TSPEAR: variants seen among roughly 807,000 people sequenced by gnomAD.
TSPEAR encodes thrombospondin-type laminin G domain and EAR repeat-containing protein.
Under a neutral mutation model 71.6 loss-of-function variants are expected in TSPEAR, and 69 were observed. The ratio of observed to expected loss-of-function variants is 0.96; its 90% confidence interval spans 0.79 to 1.18. The LOEUF (loss-of-function observed/expected upper bound fraction) is 1.18, where lower values mean the gene tolerates loss of function less well. TSPEAR is among the 50% of genes most tolerant of loss of function. TSPEAR has a pLI of 0.00. For missense variants in TSPEAR, 971 were observed against 894.9 expected (o/e 1.09, Z -1.09); for synonymous variants, 402 against 387.2 (o/e 1.04, Z -0.45).
At chr21:44,685,987 C>T (rs187275908) in intron 1 of TSPEAR, among the ~76,000 whole-genome samples, 14 of 152,290 alleles carry the variant, frequency 9.2e-5, no homozygotes, top group Admixed American at 3.3e-4. Context: ...ATTATTATTC[C>T]ACAATATGGA....
chr21:44,585,340 C>A (rs758618022), intron 1 of TSPEAR, among the ~76,000 whole-genome samples: 6 of 152,164 alleles, frequency 3.9e-5, no homozygotes, highest in Non-Finnish European at 8.8e-5. Context: ...TGGCACTATT[C>A]TCTCCTTGTA....
chr21:44,525,239 T>A (rs995306053), intron 8 of TSPEAR, among the ~76,000 whole-genome samples: 2 of 152,142 alleles, frequency 1.3e-5, no homozygotes, highest in African/African-American at 4.8e-5. Context: ...GTCAGGTAGT[T>A]AGTCATGTAA....
chr21:44,621,316 C>T (rs1982418748), intron 1 of TSPEAR, among the ~76,000 whole-genome samples: 1 of 152,188 alleles, frequency 6.6e-6, no homozygotes, highest in South Asian at 2.1e-4. Context: ...CTATTTCTTT[C>T]TTCAAATCTG....
chr21:44,606,954 T>C (rs1555929958), intron 1 of TSPEAR, among the ~76,000 whole-genome samples: 1 of 152,220 alleles, frequency 6.6e-6, no homozygotes, highest in East Asian at 1.9e-4. Flanking sequence ...ACCTACTGCA[T>C]TGCATGGTGA....
chr21:44,624,044 C>T (rs1260467580), intron 1 of TSPEAR, among the ~76,000 whole-genome samples: 2 of 152,216 alleles, frequency 1.3e-5, no homozygotes, highest in Non-Finnish European at 2.9e-5. Context: ...CATTTATATT[C>T]ATAATTATTT....
intron 1 of TSPEAR, chr21:44,573,663 A>G (rs1044337546): frequency 8.4e-6 from 13 of 1,543,924 alleles, no homozygotes; most frequent in Admixed American, 1.9e-5. Context: ...ACCAAGGAGG[A>G]GTATAAAAGC....
Position 44,584,609 on chromosome 21 carries a change from C to CCT in TSPEAR, c.83-16606_83-16605dup, listed in dbSNP as rs150596176. On this transcript the variant is annotated intron_variant, in intron 1 of 11. Coordinates refer to ENST00000323084, the MANE Select transcript of TSPEAR (RefSeq NM_144991.3). ...TGGGATTGATTTACAGTCCTCTCTC[C>CCT]CTCTCTCTCTCTCTCACACACAATT... Among the ~76,000 whole-genome samples the CCT allele has an allele frequency of 2.4e-4, 37 of 151,052 alleles. 1 individual carries two copies. The South Asian group carries it at 2.5e-3, about 10-fold the overall frequency.
chr21:44,669,736 C>T lies in TSPEAR; in HGVS notation c.82+41697G>A, dbSNP rs370851520. On this transcript the variant is annotated intron_variant, in intron 1 of 11. Transcript: ENST00000323084. ...CTTACGGATCACCCGCAGGAGGTGG[C>T]GTGCCTTGTTGGGATGAACATCCGG... is the stretch of plus-strand genomic sequence containing the variant. Among the ~76,000 whole-genome samples the T allele has an allele frequency of 1.3e-3, 195 of 152,332 alleles. 4 individuals are homozygous for T. The South Asian group carries it at 0.037, about 29-fold the overall frequency.
chr21:44,640,129 G>A (rs1225010350), intron 1 of TSPEAR, among the ~76,000 whole-genome samples: 1 of 152,166 alleles, frequency 6.6e-6, no homozygotes, highest in Admixed American at 6.5e-5. Flanking sequence ...AGTGGAAAGA[G>A]CCCAAATGTC....
chr21:44,550,213 G>A lies in TSPEAR; in HGVS notation c.304-16290C>T, dbSNP rs748203290. ...GCAGAACGTGCCACGAGGTGGACAGGAGCTTCCAGGTGTCACACAAGAGCC... is the reference window on the plus strand; with the variant it reads ...GCAGAACGTGCCACGAGGTGGACAGAAGCTTCCAGGTGTCACACAAGAGCC... On this transcript the variant is annotated intron_variant, in intron 2 of 11. Coordinates refer to ENST00000323084, the MANE Select transcript of TSPEAR (RefSeq NM_144991.3). 3.0e-4 allele frequency: 64 copies of A among 211,894 alleles called. No individual in the cohort carries two copies. The Middle Eastern group carries it at 0.014, about 45-fold the overall frequency. 13.1% of individuals were successfully genotyped at this position (211,894 alleles called of 1,614,324 possible). A position where few individuals can be genotyped will look rare whatever the true frequency, so the allele number is the denominator to read the frequency against.
In TSPEAR at chr21:44,682,421, G is replaced by A. The variant is rs114502352; in HGVS notation, c.82+29012C>T. Among the ~76,000 whole-genome samples, 934 of 152,328 alleles carry A rather than the reference G, an allele frequency of 6.1e-3. 5 individuals carry two copies. Among genetic ancestry groups the A allele is most frequent in the African/African-American group, 0.021 (892 of 41,560 alleles). On this transcript the variant is annotated intron_variant, in intron 1 of 11. Coordinates refer to ENST00000323084, the MANE Select transcript of TSPEAR (RefSeq NM_144991.3). Reference sequence around the variant, plus strand: ...CAGGCAGTTTTAGCTCCACCTGCCTGATATCTGCCTCCCTTCGTTAGTTCT... The same window carrying A: ...CAGGCAGTTTTAGCTCCACCTGCCTAATATCTGCCTCCCTTCGTTAGTTCT...
chr21:44,580,202 C>A (rs1978836344), intron 1 of TSPEAR: 1 of 1,613,934 alleles, frequency 6.2e-7, no homozygotes, highest in African/African-American at 1.3e-5. Context: ...GGACTGCTGG[C>A]AGGAGGAAGA....
chr21:44,508,558 C>T (rs1426350175), intron 10 of TSPEAR: 31 of 1,127,042 alleles, frequency 2.8e-5, no homozygotes, highest in Middle Eastern at 4.2e-4. Flanking sequence ...CCCCAGAGGA[C>T]GCCCCACACT....
intron 1 of TSPEAR, among the ~76,000 whole-genome samples, chr21:44,670,110 A>G (rs1985984386): frequency 6.6e-6 from 1 of 152,200 alleles, no homozygotes; most frequent in South Asian, 2.1e-4. Flanking sequence ...CAGGAATACA[A>G]AGAGATATGA....
At chr21:44,519,769 C>G (rs1284709480) in intron 9 of TSPEAR, 2 of 152,298 alleles carry the variant, frequency 1.3e-5, no homozygotes, top group African/African-American at 4.8e-5. Flanking sequence ...GCAAAGCCCT[C>G]CACCGTTCTG....
At chr21:44,708,846 G>C (rs1555953017) in intron 1 of TSPEAR, among the ~76,000 whole-genome samples, 1 of 152,242 alleles carries the variant, frequency 6.6e-6, no homozygotes, top group Non-Finnish European at 1.5e-5. Context: ...GTGTGGGCAG[G>C]GGCCCTGGCC....
intron 1 of TSPEAR, among the ~76,000 whole-genome samples, chr21:44,622,165 C>A (rs1359772229): frequency 1.3e-5 from 2 of 152,214 alleles, no homozygotes; most frequent in East Asian, 1.9e-4. Flanking sequence ...ACTTAAACCC[C>A]AAAGGACTCT....
chr21:44,601,584 C>A (rs782079763), intron 1 of TSPEAR: 52 of 1,613,532 alleles, frequency 3.2e-5, no homozygotes, highest in Non-Finnish European at 4.3e-5. Flanking sequence ...GGCCCGCCTG[C>A]TGCGTGCCCG....
chr21:44,552,550 C>A (rs1326031526), intron 2 of TSPEAR, among the ~76,000 whole-genome samples: 1 of 152,188 alleles, frequency 6.6e-6, no homozygotes, highest in African/African-American at 2.4e-5. Flanking sequence ...GGTGAGCAGG[C>A]CCCTGGTCAC....
Sources: gnomAD v4.1 joint callset for allele counts (sites outside exome capture counted in the v4.1 genomes callset) on GRCh38, gnomAD v4.1.1 for gene constraint, MANE v1.5 for transcripts, NCBI Gene and HGNC (gene_info 2026-07-23, HGNC 2026-07-21) for gene names.